The following ITGA5 variants were observed in gnomAD, a reference collection of about 807,000 sequenced individuals.
ITGA5 encodes the protein integrin subunit alpha 5.
A neutral mutation model predicts 146.3 loss-of-function variants in ITGA5; 55 were observed. The ratio of observed to expected loss-of-function variants is 0.38; its 90% CI spans 0.30 to 0.47. The LOEUF (loss-of-function observed/expected upper bound fraction) is 0.47, where lower values mean the gene tolerates loss of function less well. Among genes scored for constraint, ITGA5 ranks in the 20% least tolerant of loss-of-function variants. The pLI is 0.99. For synonymous variants in ITGA5, 500 were observed against 531.8 expected (o/e 0.94, Z 0.82); for missense variants, 1,131 against 1,329.0 (o/e 0.85, Z 2.32).
In ITGA5 at chr12:54,403,710, G is replaced by T. The variant is rs773200827; in HGVS notation, c.1691C>A (p.Ala564Asp). The change falls in exon 17 of 30, where the codon GCC becomes GAC. Residue 564 changes from alanine (A) to aspartate (D), a missense_variant. This residue lies in a region of ITGA5 where 889 missense variants were observed against 1,021.5 expected (regional missense o/e 0.87). Coordinates refer to ENST00000293379, the MANE Select transcript of ITGA5 (RefSeq NM_002205.5). The surrounding 1 kb of genome is among the most constrained non-coding windows in gnomAD (Gnocchi z 4.9). ...KGGVRRALFL[A>D]SRQATLTQTL... ...CTGGGTCAGGGTTGCCTGCCTGGAG[G>T]CCAGGAACAGTGCCCGCCGTACCCC... 1 of 1,614,136 alleles carries T rather than the reference G, an allele frequency of 6.2e-7. No individual in the cohort carries two copies. Among genetic ancestry groups the T allele is most frequent in the East Asian group, 2.2e-5 (1 of 44,886 alleles).
Position 54,401,708 on chromosome 12 carries a change from T to A in ITGA5, c.2307-43A>T. 1 of 1,611,556 alleles carries A rather than the reference T, an allele frequency of 6.2e-7. No homozygotes were observed. The highest frequency in any genetic ancestry group is 8.5e-7 in the Non-Finnish European group (1 of 1,177,764). ...GACTGAGGTGCTGGAGTGCAGCCAGTGAGAATGGCGCCCAGCCCTCCCTTC... is the reference window on the plus strand; with the variant it reads ...GACTGAGGTGCTGGAGTGCAGCCAGAGAGAATGGCGCCCAGCCCTCCCTTC... On this transcript the variant is annotated intron_variant, in intron 22 of 29. Transcript: ENST00000293379. This position sits in a 1 kb window ranked among gnomAD's most constrained non-coding sequence, Gnocchi z 5.0.
In ITGA5 at chr12:54,404,424, T is replaced by C; in HGVS notation, c.1463+6A>G. The stretch of plus-strand genomic sequence containing the variant: ...TTGTCCCCTCATCTCCCTTTGGAGC[T>C]CATACCTGTATACCACAGCCTTGTC... On this transcript the variant is annotated splice_donor_region_variant and intron_variant, in intron 14 of 29. Coordinates refer to ENST00000293379, the MANE Select transcript of ITGA5 (RefSeq NM_002205.5). The C allele has an allele frequency of 6.2e-7, 1 of 1,613,926 alleles. No individual in the cohort carries two copies. The highest frequency in any genetic ancestry group is 8.5e-7 in the Non-Finnish European group (1 of 1,179,774).
chr12:54,398,767 T>G (rs1955746528), intron 27 of ITGA5, 69 bp from the exon 28 acceptor site: 2 of 1,014,718 alleles, frequency 2.0e-6, no homozygotes, highest in East Asian at 5.9e-5. Flanking sequence ...TTCCCCATCG[T>G]CTGGCTGGGG....
chr12:54,398,634 C>A lies in ITGA5; in HGVS notation c.2906G>T (p.Arg969Leu). The A allele has an allele frequency of 1.2e-6, 2 of 1,611,016 alleles. No homozygotes were observed. Among genetic ancestry groups the A allele is most frequent in the South Asian group, 2.2e-5 (2 of 90,308 alleles). The change falls in exon 28 of 30, where the codon CGA becomes CTA. Residue 969 changes from arginine to leucine, a missense_variant. Physicochemically the swap from Arg to Leu is moderately radical, Grantham distance 102. This residue lies in a region of ITGA5 where 889 missense variants were observed against 1,021.5 expected (regional missense o/e 0.87). Transcript: ENST00000293379. ...AVYKALKMPY[R>L]ILPRQLPQKE... is the part of the protein sequence containing the mutation. ...TTGGGGCAGCTGCCGAGGCAGGATTCGGTAGGGCATCTTCAGGGCTTTGTA... is the reference window on the plus strand; with the variant it reads ...TTGGGGCAGCTGCCGAGGCAGGATTAGGTAGGGCATCTTCAGGGCTTTGTA...
Position 54,403,659 on chromosome 12 carries a change from C to A in ITGA5, c.1742G>T (p.Arg581Leu). 2 of 1,614,112 alleles carry A rather than the reference C, an allele frequency of 1.2e-6. No individual in the cohort carries two copies. Among genetic ancestry groups the A allele is most frequent in the South Asian group, 1.1e-5 (1 of 91,084 alleles). Residue 581 changes from arginine to leucine, a missense_variant, in exon 17 of 30, where the codon CGA (arginine) becomes CTA (leucine). Around this residue, in one of 3 missense-constraint regions of ITGA5, gnomAD observed 889 missense variants for 1,021.5 expected, o/e 0.87. Coordinates refer to ENST00000293379, the MANE Select transcript of ITGA5 (RefSeq NM_002205.5). This position sits in a 1 kb window ranked among gnomAD's most constrained non-coding sequence, Gnocchi z 4.9. ...GATCTTCATCTCTCTGCAATCCTCT[C>A]GAGCCCCATTCTGGATGAGCAGGGT... ...TQTLLIQNGAREDCREMKIYL... is the reference protein window; with the variant it reads ...TQTLLIQNGALEDCREMKIYL...
At chr12:54,412,095 A>G (rs932134836) in intron 1 of ITGA5, 131 bp from the exon 2 acceptor site, 33 of 652,036 alleles carry the variant, frequency 5.1e-5, no homozygotes, top group Non-Finnish European at 7.4e-5. Flanking sequence ...CGTTGTATTT[A>G]TATCTCAGAA....
Position 54,409,948 on chromosome 12 carries a change from C to T in ITGA5, c.350-351G>A, listed in dbSNP as rs1231480514. Among the ~76,000 whole-genome samples the T allele has an allele frequency of 2.0e-5, 3 of 151,808 alleles. No homozygotes were observed. The highest frequency in any genetic ancestry group is 7.3e-5 in the African/African-American group (3 of 41,306). On this transcript the variant is annotated intron_variant, in intron 2 of 29. Coordinates refer to ENST00000293379, the MANE Select transcript of ITGA5 (RefSeq NM_002205.5). The surrounding 1 kb of genome is among the most constrained non-coding windows in gnomAD (Gnocchi z 4.7). ...CTCGGCTCAGTGCAACCTCCGCCTC[C>T]CTGGTTCAAGGGATTCTCCTGCCTC...
chr12:54,409,726 T>C lies in ITGA5; in HGVS notation c.350-129A>G. The C allele has an allele frequency of 1.6e-6, 1 of 619,836 alleles. No homozygotes were observed. Among genetic ancestry groups the C allele is most frequent in the Non-Finnish European group, 2.8e-6 (1 of 352,124 alleles). 38.4% of individuals were successfully genotyped at this position (619,836 alleles called of 1,614,324 possible). On this transcript the variant is annotated intron_variant, in intron 2 of 29. Coordinates refer to ENST00000293379, the MANE Select transcript of ITGA5 (RefSeq NM_002205.5). The surrounding 1 kb of genome is among the most constrained non-coding windows in gnomAD (Gnocchi z 4.7). Reference sequence around the variant, plus strand: ...CTGAGACTCCATGACTCGCTGGGAGTGTGGAATTGGTAAGGAGCTTAATTC... The same window carrying C: ...CTGAGACTCCATGACTCGCTGGGAGCGTGGAATTGGTAAGGAGCTTAATTC...
chr12:54,409,041 A>G lies in ITGA5; in HGVS notation c.584-87T>C. The stretch of plus-strand genomic sequence containing the variant: ...GAGGGCATAGGGAAGGAGGTGGGAG[A>G]GAGAACCAGAGAAAGGGCCTTCCTG... On this transcript the variant is annotated intron_variant, in intron 4 of 29. Coordinates refer to ENST00000293379, the MANE Select transcript of ITGA5 (RefSeq NM_002205.5). The surrounding 1 kb of genome is among the most constrained non-coding windows in gnomAD (Gnocchi z 4.7). The G allele has an allele frequency of 6.9e-7, 1 of 1,447,630 alleles. No homozygotes were observed. Among genetic ancestry groups the G allele is most frequent in the Admixed American group, 1.7e-5 (1 of 58,022 alleles). The allele number at this position is 1,447,630 out of a possible 1,614,324, so 89.7% of individuals were successfully genotyped here. A position where few individuals can be genotyped will look rare whatever the true frequency, so the allele number is the denominator to read the frequency against.
At position 54,396,174 on chromosome 12, in the gene ITGA5, G is replaced by A. The variant is rs1955706716; in HGVS notation, c.*119C>T. 3 of 762,284 alleles carry A rather than the reference G, an allele frequency of 3.9e-6. No homozygotes were observed. The highest frequency in any genetic ancestry group is 6.7e-6 in the Non-Finnish European group (3 of 449,060). The allele number at this position is 762,284 out of a possible 1,614,324, so 47.2% of individuals were successfully genotyped here. ...CCCTTCAAGTATGTCTCTGGGCTGG[G>A]GAGAGGAGCTTCTCCCTGGCCGTCA... On this transcript the variant is annotated 3_prime_UTR_variant, in exon 30 of 30. Transcript: ENST00000293379.
chr12:54,398,815 GTC>G lies in ITGA5; in HGVS notation c.2842-119_2842-118del, dbSNP rs1159083862. 1,127 of 442,820 alleles carry G rather than the reference GTC, an allele frequency of 2.5e-3. 11 individuals carry two copies. The highest frequency in any genetic ancestry group is 9.1e-3 in the African/African-American group (379 of 41,656). 27.4% of individuals were successfully genotyped at this position (442,820 alleles called of 1,614,324 possible). A position where few individuals can be genotyped will look rare whatever the true frequency, so the allele number is the denominator to read the frequency against. ...CCTATTTTGGGCTCATTCTTCCTGA[GTC>G]TCTCTCTCTCTCTCTCTCTTTTTTT... is the stretch of plus-strand genomic sequence containing the variant. On this transcript the variant is annotated intron_variant, in intron 27 of 29. Transcript: ENST00000293379.
chr12:54,410,861 G>A (rs1763309447), intron 2 of ITGA5, among the ~76,000 whole-genome samples: 1 of 152,086 alleles, frequency 6.6e-6, no homozygotes, highest in Non-Finnish European at 1.5e-5. Context: ...CAAGTAGCTG[G>A]GATTACAGGC....
Position 54,409,227 on chromosome 12 carries a change from C to T in ITGA5, c.583+5G>A, listed in dbSNP as rs1001541609. The T allele has an allele frequency of 6.2e-7, 1 of 1,608,378 alleles. No individual in the cohort carries two copies. Among genetic ancestry groups the T allele is most frequent in the African/African-American group, 1.3e-5 (1 of 74,848 alleles). ...CATGGGGCACAGGCCCCCTCTTGCC[C>T]CTACCTGAGCGGCAGGGTGCATACT... On this transcript the variant is annotated splice_donor_5th_base_variant and intron_variant, in intron 4 of 29. Transcript: ENST00000293379. The surrounding 1 kb of genome is among the most constrained non-coding windows in gnomAD (Gnocchi z 4.7).
chr12:54,405,672 A>G lies in ITGA5; in HGVS notation c.1008T>C (p.Asn336=), dbSNP rs764991919. 6.2e-7 allele frequency: 1 copy of G among 1,613,618 alleles called. No individual in the cohort carries two copies. The highest frequency in any genetic ancestry group is 1.7e-5 in the Admixed American group (1 of 60,006). ...CATTTCCCACCACTCACCCGTCCCC[A>G]TTGACGTCTGTGGCGGCCACTGCAT... The part of the protein sequence containing the change: ...FGYAVAATDV[N]GDGLDDLLVG... Residue 336 remains asparagine (N), a synonymous_variant, in exon 11 of 30, where the codon AAT becomes AAC. Coordinates refer to ENST00000293379, the MANE Select transcript of ITGA5 (RefSeq NM_002205.5).
rs1955703620 is a variant in ITGA5 at position 54,396,026 on chromosome 12, G to T, written c.*267C>A. On this transcript the variant is annotated 3_prime_UTR_variant, in exon 30 of 30. Transcript: ENST00000293379. ...CTCTCCAAAATGCAAAGGCTTCAGGGAGGCTGGGGCCTCTGTCCCTGGATC... is the reference window on the plus strand; with the variant it reads ...CTCTCCAAAATGCAAAGGCTTCAGGTAGGCTGGGGCCTCTGTCCCTGGATC... 1 of 402,862 alleles carries T rather than the reference G, an allele frequency of 2.5e-6. No homozygotes were observed. The highest frequency in any genetic ancestry group is 4.5e-6 in the Non-Finnish European group (1 of 221,000). The allele number at this position is 402,862 out of a possible 1,614,324, so 25.0% of individuals were successfully genotyped here.
In ITGA5 at chr12:54,400,897, A is replaced by G. The variant is rs769350298; in HGVS notation, c.2592T>C (p.Val864=). ...GATTGGTGGTGCAGTTGAGTCCCGT[A>G]ACTCTGGTCACATATAGGAGCTGCT... The part of the protein sequence containing the change: ...EGQQLLYVTR[V]TGLNCTTNHP... The change falls in exon 25 of 30, where the codon GTT becomes GTC. Residue 864 remains valine, a synonymous_variant. Coordinates refer to ENST00000293379, the MANE Select transcript of ITGA5 (RefSeq NM_002205.5). 1 of 1,614,116 alleles carries G rather than the reference A, an allele frequency of 6.2e-7. No homozygotes were observed. The highest frequency in any genetic ancestry group is 1.1e-5 in the South Asian group (1 of 91,082).
Position 54,409,675 on chromosome 12 carries a change from G to A in ITGA5, c.350-78C>T, listed in dbSNP as rs900425715. 1.1e-6 allele frequency: 1 copy of A among 908,816 alleles called. No homozygotes were observed. The highest frequency in any genetic ancestry group is 1.7e-5 in the African/African-American group (1 of 60,156). The allele number at this position is 908,816 out of a possible 1,614,324, so 56.3% of individuals were successfully genotyped here. ...AGGGCAGCCCCTACCCTCAGCCTGG[G>A]GATACCCAACAAACGCTTCCAAGCC... On this transcript the variant is annotated intron_variant, in intron 2 of 29. Coordinates refer to ENST00000293379, the MANE Select transcript of ITGA5 (RefSeq NM_002205.5). The surrounding 1 kb of genome is among the most constrained non-coding windows in gnomAD (Gnocchi z 4.7).
In ITGA5 at chr12:54,416,831, A is replaced by G. The variant is rs965371924; in HGVS notation, c.218+2150T>C. ...ACTGAAAGCTTTGCCCTTTCCTACC[A>G]TCTAACTGCTTTGGTGCTCGCCCTG... On this transcript the variant is annotated intron_variant, in intron 1 of 29. Transcript: ENST00000293379. The surrounding 1 kb of genome is among the most constrained non-coding windows in gnomAD (Gnocchi z 4.1). Among the ~76,000 whole-genome samples the G allele has an allele frequency of 2.6e-5, 4 of 152,180 alleles. No individual in the cohort carries two copies. Among genetic ancestry groups the G allele is most frequent in the African/African-American group, 9.7e-5 (4 of 41,432 alleles).
Position 54,405,231 on chromosome 12 carries a change from T to C in ITGA5, c.1160A>G (p.Asp387Gly). Residue 387 changes from aspartate to glycine, a missense_variant, in exon 12 of 30, where the codon GAT becomes GGT. Around this residue, in one of 3 missense-constraint regions of ITGA5, gnomAD observed 889 missense variants for 1,021.5 expected, o/e 0.87. Coordinates refer to ENST00000293379, the MANE Select transcript of ITGA5 (RefSeq NM_002205.5). ...PTPTLTLTGH[D>G]EFGRFGSSLT... ...GGAGCTGCCAAATCGGCCAAACTCA[T>C]CATGGCCAGTGAGGGTAAGGGTGGG... 6.2e-7 allele frequency: 1 copy of C among 1,613,318 alleles called. No homozygotes were observed. Among genetic ancestry groups the C allele is most frequent in the Non-Finnish European group, 8.5e-7 (1 of 1,179,454 alleles).
Sources: gnomAD v4.1 joint callset for allele counts (sites outside exome capture counted in the v4.1 genomes callset) on GRCh38, gnomAD v4.1.1 for gene constraint, gnomAD v4.1.1 regional missense constraint, Gnocchi (gnomAD v3.1) non-coding constraint, MANE v1.5 for transcripts, NCBI Gene and HGNC (gene_info 2026-07-23, HGNC 2026-07-21) for gene names.